The following ABCB5 variants were observed in gnomAD, a reference collection of about 807,000 sequenced individuals.
ABCB5 encodes ATP-binding cassette sub-family B member 5.
ABCB5 carries 155 observed loss-of-function variants against 144.2 expected under a neutral mutation model. The observed-to-expected ratio is 1.08, with a 90% CI of 0.94 to 1.23. ABCB5 has a LOEUF of 1.23. ABCB5 is among the 50% of genes most tolerant of loss of function. The pLI is 0.00. For missense variants in ABCB5, 1,830 were observed against 1,520.8 expected, an observed-to-expected ratio of 1.20 and a Z score of -3.38; for synonymous variants, 610 against 528.6, an observed-to-expected ratio of 1.15 and a Z score of -2.11.
chr7:20,616,087 G>A (rs186798031), intron 1 of ABCB5, among the ~76,000 whole-genome samples: 1 of 152,190 alleles, frequency 6.6e-6, no homozygotes, highest in African/African-American at 2.4e-5. Flanking sequence ...CCAGGCTGGA[G>A]TGCAGTGGCA....
intron 15 of ABCB5, among the ~76,000 whole-genome samples, chr7:20,683,615 G>C (rs1053490063): frequency 6.6e-6 from 1 of 152,108 alleles, no homozygotes; most frequent in Admixed American, 6.6e-5. Context: ...TGTGGGATGA[G>C]TGTGTAAAAA....
Position 20,666,819 on chromosome 7 carries a change from G to A in ABCB5, c.1707+8143G>A, listed in dbSNP as rs199739672. 1,134 of 1,569,954 alleles carry A rather than the reference G, an allele frequency of 7.2e-4. 1 individual carries two copies. The highest frequency in any genetic ancestry group is 9.2e-4 in the Non-Finnish European group (1,062 of 1,159,948). On this transcript the variant is annotated intron_variant, in intron 14 of 27. Transcript: ENST00000404938. ...CCACACTATCTACGTTGAGGTATCT[G>A]GAACCACAGTGGTATGAATTGCACT...
intron 7 of ABCB5, among the ~76,000 whole-genome samples, 182 bp from the exon 8 acceptor site, chr7:20,645,574 T>C (rs1194867909): frequency 1.3e-5 from 2 of 152,240 alleles, no homozygotes; most frequent in Non-Finnish European, 2.9e-5. Flanking sequence ...ATAGTGATAT[T>C]TTCCCTTTTC....
chr7:20,755,597 G>A lies in ABCB5; in HGVS notation c.3747G>A (p.Lys1249=), dbSNP rs202199638. ...ELLRNRDIYF[K]LVNAQSVQ ...TGAGAAATCGAGACATATATTTTAA[G>A]TTAGTGAATGCACAGTCAGTGCAGT... Residue 1249 remains lysine (K), a synonymous_variant, in exon 28 of 28, where the codon AAG becomes AAA. Coordinates refer to ENST00000404938, the MANE Select transcript of ABCB5 (RefSeq NM_001163941.2). 2 of 1,614,188 alleles carry A rather than the reference G, an allele frequency of 1.2e-6. No individual in the cohort carries two copies. Among genetic ancestry groups the A allele is most frequent in the East Asian group, 2.2e-5 (1 of 44,888 alleles).
intron 5 of ABCB5, among the ~76,000 whole-genome samples, chr7:20,637,127 T>C (rs563318888): frequency 1.3e-5 from 2 of 152,292 alleles, no homozygotes; most frequent in African/African-American, 2.4e-5. Flanking sequence ...AATGAACATA[T>C]TTTGGGGACA....
At chr7:20,666,268 G>T (rs1215759569) in intron 14 of ABCB5, among the ~76,000 whole-genome samples, 1 of 152,092 alleles carries the variant, frequency 6.6e-6, no homozygotes, top group Non-Finnish European at 1.5e-5. Flanking sequence ...CTTTTGGAAG[G>T]CAGTGAGTGG....
chr7:20,734,945 T>C (rs1353919457), intron 23 of ABCB5, among the ~76,000 whole-genome samples: 1 of 152,240 alleles, frequency 6.6e-6, no homozygotes, highest in Non-Finnish European at 1.5e-5. Flanking sequence ...ATCCTATCTC[T>C]TTGTGTTAGT....
chr7:20,649,460 G>C (rs1784513667), intron 11 of ABCB5, among the ~76,000 whole-genome samples: 1 of 152,120 alleles, frequency 6.6e-6, no homozygotes, highest in South Asian at 2.1e-4. Flanking sequence ...GCAGGTCCCT[G>C]GCACACTAAA....
intron 1 of ABCB5, among the ~76,000 whole-genome samples, chr7:20,619,803 G>C (rs1022100859): frequency 1.3e-5 from 2 of 152,128 alleles, no homozygotes; most frequent in African/African-American, 4.8e-5. Flanking sequence ...GGTTTTTATA[G>C]TTTCAGGTTT....
At chr7:20,753,224 T>C (rs1782985808) in intron 26 of ABCB5, 136 bp from the exon 27 acceptor site, 2 of 1,068,196 alleles carry the variant, frequency 1.9e-6, no homozygotes, top group African/African-American at 3.2e-5. Flanking sequence ...AGCCCAAGAA[T>C]AGATTTCAAC....
chr7:20,634,899 C>G (rs1639176829), intron 5 of ABCB5, among the ~76,000 whole-genome samples: 1 of 151,466 alleles, frequency 6.6e-6, no homozygotes, highest in Non-Finnish European at 1.5e-5. Flanking sequence ...TGTGCAGAAG[C>G]TTTTTAATTA....
intron 21 of ABCB5, among the ~76,000 whole-genome samples, chr7:20,725,151 A>T (rs73687881): frequency 0.15 from 23,441 of 152,244 alleles, 1,879 homozygotes; most frequent in East Asian, 0.19. Context: ...CAAATAGTCA[A>T]TTGGAGGCAT....
Position 20,670,828 on chromosome 7 carries a change from G to C in ABCB5, c.1708-10677G>C, listed in dbSNP as rs900675489. Among the ~76,000 whole-genome samples the C allele has an allele frequency of 7.2e-5, 11 of 152,316 alleles. No individual in the cohort carries two copies. In the South Asian group the frequency reaches 2.3e-3, roughly 32 times the overall value. Reference sequence around the variant, plus strand: ...GGAGGCTGAGGCAGGAGAATCGCTTGAACCTGGGAGGCGGAGGTTGCAGTG... The same window carrying C: ...GGAGGCTGAGGCAGGAGAATCGCTTCAACCTGGGAGGCGGAGGTTGCAGTG... On this transcript the variant is annotated intron_variant, in intron 14 of 27. Transcript: ENST00000404938.
intron 21 of ABCB5, among the ~76,000 whole-genome samples, chr7:20,724,910 A>G (rs1781988059): frequency 6.6e-6 from 1 of 152,158 alleles, no homozygotes; most frequent in Non-Finnish European, 1.5e-5. Context: ...TGTGCTGTAT[A>G]GTCTGAACTA....
chr7:20,649,960 G>A (rs1258907025), intron 11 of ABCB5, 62 bp from the exon 12 acceptor site: 2 of 1,524,370 alleles, frequency 1.3e-6, no homozygotes, highest in African/African-American at 2.8e-5. Context: ...CTCATTTTCT[G>A]AAAATGTGTC....
Position 20,660,542 on chromosome 7 carries a change from C to T in ABCB5, c.1707+1866C>T, listed in dbSNP as rs141040662. ...GAGAAGGGGAGAGTTCAAATACAGGCAGGGTGATGGAAGCTGTAGCACCAT... is the reference window on the plus strand; with the variant it reads ...GAGAAGGGGAGAGTTCAAATACAGGTAGGGTGATGGAAGCTGTAGCACCAT... On this transcript the variant is annotated intron_variant, in intron 14 of 27. Transcript: ENST00000404938. 1.2e-3 allele frequency: 548 copies of T among 452,162 alleles called. 3 individuals carry two copies. Among genetic ancestry groups the T allele is most frequent in the African/African-American group, 0.011 (522 of 46,828 alleles). The allele number at this position is 452,162 out of a possible 1,614,324, so 28.0% of individuals were successfully genotyped here. A position where few individuals can be genotyped will look rare whatever the true frequency, so the allele number is the denominator to read the frequency against.
intron 14 of ABCB5, chr7:20,660,535 A>C: frequency 2.0e-6 from 1 of 498,566 alleles, no homozygotes; most frequent in Non-Finnish European, 2.6e-6. Context: ...GAGAGTTCAA[A>C]TACAGGCAGG....
intron 13 of ABCB5, among the ~76,000 whole-genome samples, chr7:20,653,653 G>T (rs1281459992): frequency 1.3e-5 from 2 of 152,170 alleles, no homozygotes; most frequent in Non-Finnish European, 2.9e-5. Flanking sequence ...GAGCTGAAAG[G>T]CAAAGCTCAA....
chr7:20,745,119 A>G, intron 25 of ABCB5, 113 bp from the exon 26 acceptor site: 2 of 1,135,670 alleles, frequency 1.8e-6, no homozygotes, highest in East Asian at 2.4e-5. Flanking sequence ...ACTTTGAAAT[A>G]GCTTGAATTC....
Sources: allele counts gnomAD v4.1 joint callset (sites outside exome capture counted in the v4.1 genomes callset), GRCh38; gene constraint gnomAD v4.1.1; transcripts MANE v1.5; gene names NCBI Gene and HGNC (gene_info 2026-07-23, HGNC 2026-07-21).